Variants in PLEKHH2 observed in about 807,000 individuals in gnomAD.
PLEKHH2 encodes pleckstrin homology domain-containing family H member 2.
PLEKHH2 carries 129 observed loss-of-function variants against 187.9 expected under a neutral mutation model. The ratio of observed to expected loss-of-function variants is 0.69; its 90% CI spans 0.59 to 0.79. The LOEUF is 0.79. Ranked by LOEUF, PLEKHH2 falls within the 30% of genes least tolerant of loss-of-function variation. PLEKHH2 has a pLI of 0.00. For synonymous variants in PLEKHH2, 686 were observed against 605.6 expected, an observed-to-expected ratio of 1.13 and a Z score of -1.95; for missense variants, 2,076 against 1,751.2, an observed-to-expected ratio of 1.19 and a Z score of -3.31.
chr2:43,745,821 G>A (rs753476756), intron 23 of PLEKHH2, 45 bp from the exon 24 acceptor site: 1 of 1,434,002 alleles, frequency 7.0e-7, no homozygotes, highest in Non-Finnish European at 9.7e-7. Flanking sequence ...AAAAAATGTT[G>A]ATTTGAAAAG....
chr2:43,650,144 CTTTTTTTTT>C (rs70965311), intron 2 of PLEKHH2, among the ~76,000 whole-genome samples: 1 of 95,664 alleles, frequency 1.0e-5, no homozygotes. Context: ...TTTTTCTTTC[CTTTTTTTTT>C]TTTTTTTTTT....
In PLEKHH2 at chr2:43,765,562, AAGC is replaced by A. The variant is rs147148919; in HGVS notation, c.4452_4454del (p.Ser1484del). 3.4e-3 allele frequency: 5,501 copies of A among 1,613,890 alleles called. 177 individuals are homozygous for A. The African/African-American group carries it at 0.064, about 19-fold the overall frequency. On this transcript the variant is annotated inframe_deletion, in exon 30 of 30. Coordinates refer to ENST00000282406, the MANE Select transcript of PLEKHH2 (RefSeq NM_172069.4). ...TGATGGGAAGCCAGCCTCTTCTGTC[AAGC>A]AGCAGACCGACCAAAGGCCCCACCT... is the stretch of plus-strand genomic sequence containing the variant.
intron 17 of PLEKHH2, among the ~76,000 whole-genome samples, chr2:43,728,547 G>A (rs1258899578): frequency 1.4e-5 from 2 of 142,624 alleles, no homozygotes; most frequent in Non-Finnish European, 1.5e-5. Flanking sequence ...TGTATAGTTT[G>A]TTCAACACAA....
intron 3 of PLEKHH2, among the ~76,000 whole-genome samples, chr2:43,679,290 G>A (rs1178073934): frequency 6.6e-6 from 1 of 152,000 alleles, no homozygotes; most frequent in Non-Finnish European, 1.5e-5. Context: ...GAATGAAAAA[G>A]TAAACTCTAT....
intron 2 of PLEKHH2, among the ~76,000 whole-genome samples, chr2:43,665,793 A>C (rs1330821525): frequency 1.5e-5 from 2 of 136,038 alleles, no homozygotes; most frequent in Non-Finnish European, 3.1e-5. Flanking sequence ...CTCCGGGGTC[A>C]GGGGTCAGGG....
chr2:43,734,257 T>A (rs1041929696), intron 19 of PLEKHH2, among the ~76,000 whole-genome samples: 8 of 152,178 alleles, frequency 5.3e-5, no homozygotes, highest in Non-Finnish European at 1.2e-4. Flanking sequence ...TTTGAAGCAA[T>A]CCTCAGTCAT....
intron 4 of PLEKHH2, among the ~76,000 whole-genome samples, chr2:43,693,305 A>G (rs1015874976): frequency 2.0e-5 from 3 of 152,184 alleles, no homozygotes; most frequent in Non-Finnish European, 4.4e-5. Flanking sequence ...TTTGCAACCC[A>G]TCTTTGCTTC....
At chr2:43,717,397 A>G (rs1362008182) in intron 15 of PLEKHH2, among the ~76,000 whole-genome samples, 1 of 150,194 alleles carries the variant, frequency 6.7e-6, no homozygotes, top group Non-Finnish European at 1.5e-5. Flanking sequence ...CAGACTGGGC[A>G]ACTGAGTGAG....
At position 43,764,342 on chromosome 2, in the gene PLEKHH2, CT is replaced by C; in HGVS notation, c.4278del (p.Phe1426LeufsTer14). On this transcript the variant is annotated frameshift_variant, in exon 29 of 30. Coordinates refer to ENST00000282406, the MANE Select transcript of PLEKHH2 (RefSeq NM_172069.4). LOFTEE classifies it high-confidence loss of function. Reference sequence around the variant, plus strand: ...AAAGGACAAACCAACAGAGAAATTACTTTTTGCCATGGCAAAACCCAAGGTG... The same window carrying C: ...AAAGGACAAACCAACAGAGAAATTACTTTTGCCATGGCAAAACCCAAGGTG... ...HSKDKPTEKL[L>X]FAMAKPKILE... 6.2e-7 allele frequency: 1 copy of C among 1,612,660 alleles called. No individual in the cohort carries two copies. Among genetic ancestry groups the C allele is most frequent in the South Asian group, 1.1e-5 (1 of 90,870 alleles).
intron 2 of PLEKHH2, among the ~76,000 whole-genome samples, chr2:43,646,537 T>C (rs1666193180): frequency 6.6e-6 from 1 of 152,202 alleles, no homozygotes; most frequent in South Asian, 2.1e-4. Flanking sequence ...TTAGCTTATT[T>C]GGGTTGCAAT....
chr2:43,647,832 A>C (rs1460223166), intron 2 of PLEKHH2, among the ~76,000 whole-genome samples: 1 of 152,148 alleles, frequency 6.6e-6, no homozygotes, highest in Non-Finnish European at 1.5e-5. Flanking sequence ...TTTGCCCGGA[A>C]TTGTGGCCAA....
intron 23 of PLEKHH2, chr2:43,744,263 A>T: frequency 1.8e-6 from 1 of 561,054 alleles, no homozygotes; most frequent in Non-Finnish European, 2.5e-6. Context: ...AAGGGTAGAT[A>T]TGTAGAAGTG....
At chr2:43,640,016 G>A (rs796817960) in intron 1 of PLEKHH2, among the ~76,000 whole-genome samples, 30 of 151,006 alleles carry the variant, frequency 2.0e-4, no homozygotes, top group African/African-American at 7.2e-4. Context: ...CTACTCTTTG[G>A]CTATCATGAA....
At chr2:43,733,344 C>T (rs186676355) in intron 19 of PLEKHH2, among the ~76,000 whole-genome samples, 11 of 134,298 alleles carry the variant, frequency 8.2e-5, no homozygotes, top group Non-Finnish European at 1.5e-5. Flanking sequence ...TCCTGGGCAA[C>T]AGAGCAAGAC....
chr2:43,679,895 C>A (rs1211801149), intron 3 of PLEKHH2, among the ~76,000 whole-genome samples: 1 of 152,160 alleles, frequency 6.6e-6, no homozygotes, highest in Non-Finnish European at 1.5e-5. Context: ...TGATCTTGAA[C>A]TACTGGCTTC....
intron 16 of PLEKHH2, among the ~76,000 whole-genome samples, chr2:43,722,366 G>C (rs1387001226): frequency 1.3e-5 from 2 of 152,200 alleles, no homozygotes; most frequent in Non-Finnish European, 2.9e-5. Context: ...GTAAAAGTTA[G>C]GGAAACTGCC....
chr2:43,698,559 T>G (rs1669207342), intron 7 of PLEKHH2, among the ~76,000 whole-genome samples: 1 of 151,930 alleles, frequency 6.6e-6, no homozygotes, highest in East Asian at 1.9e-4. Flanking sequence ...TACTTGCATC[T>G]TTTTTTTGCC....
At chr2:43,666,131 G>A (rs528603871) in intron 2 of PLEKHH2, among the ~76,000 whole-genome samples, 1,807 of 149,722 alleles carry the variant, frequency 0.012, 27 homozygotes, top group Non-Finnish European at 0.019. Flanking sequence ...GCGAGATTCC[G>A]TGGGCGTAGG....
Position 43,765,646 on chromosome 2 carries a change from G to T in PLEKHH2, c.*48G>T. ...ACTCCTTGTCCTCCATGCTGTGGCTGTATCAGCTCCCTACAAGTTCGTTTA... is the reference window on the plus strand; with the variant it reads ...ACTCCTTGTCCTCCATGCTGTGGCTTTATCAGCTCCCTACAAGTTCGTTTA... On this transcript the variant is annotated 3_prime_UTR_variant, in exon 30 of 30. Transcript: ENST00000282406. 1 of 1,567,772 alleles carries T rather than the reference G, an allele frequency of 6.4e-7. No individual in the cohort carries two copies. The highest frequency in any genetic ancestry group is 1.2e-5 in the South Asian group (1 of 84,014).
Sources: gnomAD v4.1 joint callset for allele counts (sites outside exome capture counted in the v4.1 genomes callset) on GRCh38, gnomAD v4.1.1 for gene constraint, MANE v1.5 for transcripts, NCBI Gene and HGNC (gene_info 2026-07-23, HGNC 2026-07-21) for gene names.